PRTG: variants seen among roughly 807,000 people sequenced by gnomAD.
PRTG encodes the protein immunoglobulin superfamily, DCC subclass, member 5.
PRTG carries 67 observed loss-of-function variants against 122.5 expected under a neutral mutation model. That is an observed-to-expected ratio of 0.55 (90% confidence interval 0.45 to 0.67). PRTG has a LOEUF of 0.67. Ranked by LOEUF, PRTG falls within the 30% of genes least tolerant of loss-of-function variation. The pLI is 0.00. For missense variants in PRTG, 1,435 were observed against 1,415.4 expected (o/e 1.01, Z -0.22); for synonymous variants, 554 against 501.1 (o/e 1.11, Z -1.41).
Position 55,743,000 on chromosome 15 carries a change from G to A in PRTG, c.-69C>T, listed in dbSNP as rs1188362528. The A allele has an allele frequency of 2.2e-5, 30 of 1,386,230 alleles. No individual in the cohort carries two copies. Among genetic ancestry groups the A allele is most frequent in the Non-Finnish European group, 2.1e-5 (23 of 1,075,344 alleles). The allele number at this position is 1,386,230 out of a possible 1,614,324, so 85.9% of individuals were successfully genotyped here. The stretch of plus-strand genomic sequence containing the variant: ...CTGTCCGTCTGCGGCCCCCGCCCCG[G>A]GCGCTCTCTGCTCTGCGGCTGGTCG... On this transcript the variant is annotated 5_prime_UTR_variant, in exon 1 of 20. Transcript: ENST00000389286.
rs1346271531 is a variant in PRTG, at chr15:55,710,752, GAATAT to G, written c.398-26826_398-26822del. On this transcript the variant is annotated intron_variant, in intron 2 of 19. Transcript: ENST00000389286. ...ACTTGATTCCTGATCAACTTATATAGAATATAATTAAAATTATCAGTAAAAAATAC... is the reference window on the plus strand; with the variant it reads ...ACTTGATTCCTGATCAACTTATATAGAATTAAAATTATCAGTAAAAAATAC... Among the ~76,000 whole-genome samples, 14 of 151,882 alleles carry G rather than the reference GAATAT, an allele frequency of 9.2e-5. No individual in the cohort carries two copies. The South Asian group carries it at 2.5e-3, about 27-fold the overall frequency.
chr15:55,648,841 G>A (rs2059337937), intron 11 of PRTG, among the ~76,000 whole-genome samples: 1 of 152,190 alleles, frequency 6.6e-6, no homozygotes, highest in Non-Finnish European at 1.5e-5. Context: ...GCTCACACCT[G>A]TAATCCCAGC....
At chr15:55,731,871 G>C (rs1467581306) in intron 2 of PRTG, among the ~76,000 whole-genome samples, 2 of 152,134 alleles carry the variant, frequency 1.3e-5, no homozygotes, top group Non-Finnish European at 2.9e-5. Context: ...TAATGACAGA[G>C]ATACGTTCTG....
At chr15:55,672,420 A>G in intron 11 of PRTG, 25 bp downstream of exon 11, 5 of 1,572,624 alleles carry the variant, frequency 3.2e-6, no homozygotes, top group East Asian at 2.2e-5. Flanking sequence ...GGAAAAAGGG[A>G]AAAATACAGT....
chr15:55,621,982 A>T (rs1412961284), intron 18 of PRTG, among the ~76,000 whole-genome samples: 2 of 152,170 alleles, frequency 1.3e-5, no homozygotes, highest in Non-Finnish European at 2.9e-5. Flanking sequence ...CCCACATATG[A>T]TCAACAAAAT....
intron 11 of PRTG, among the ~76,000 whole-genome samples, chr15:55,658,511 C>CTTCA (rs1296972434): frequency 6.6e-6 from 1 of 151,858 alleles, no homozygotes; most frequent in Non-Finnish European, 1.5e-5. Flanking sequence ...AGAGATGGGG[C>CTTCA]TTCACTATGT....
At chr15:55,664,227 C>T (rs1039526629) in intron 11 of PRTG, among the ~76,000 whole-genome samples, 34 of 151,560 alleles carry the variant, frequency 2.2e-4, no homozygotes, top group African/African-American at 7.3e-4. Flanking sequence ...CTGCAACCTC[C>T]GCCCCCCAGG....
chr15:55,632,128 A>C (rs2059231043), intron 15 of PRTG, among the ~76,000 whole-genome samples: 1 of 152,102 alleles, frequency 6.6e-6, no homozygotes, highest in African/African-American at 2.4e-5. Context: ...CTCTCCCATA[A>C]ACTTAATCAG....
In PRTG at chr15:55,680,554, T is replaced by C. The variant is rs202071874; in HGVS notation, c.751A>G (p.Thr251Ala). The change falls in exon 5 of 20, where the codon ACT becomes GCT. Residue 251 changes from threonine to alanine, a missense_variant. Physicochemically the swap from Thr to Ala is moderately conservative, Grantham distance 58. Coordinates refer to ENST00000389286, the MANE Select transcript of PRTG (RefSeq NM_173814.6). ...PQNITTSLHQ[T>A]VVLECMATGN... Reference sequence around the variant, plus strand: ...GTGGCCATGCATTCCAAAACTACAGTCTGATGAAGAGATGTTGTTATGTTC... The same window carrying C: ...GTGGCCATGCATTCCAAAACTACAGCCTGATGAAGAGATGTTGTTATGTTC... The C allele has an allele frequency of 3.1e-6, 5 of 1,602,454 alleles. No individual in the cohort carries two copies. In the African/African-American group the frequency reaches 5.3e-5, roughly 17 times the overall value.
At chr15:55,645,599 A>G (rs1372331543) in intron 11 of PRTG, among the ~76,000 whole-genome samples, 1 of 151,926 alleles carries the variant, frequency 6.6e-6, no homozygotes, top group African/African-American at 2.4e-5. Context: ...TAGGACCAAT[A>G]TGTTAAATAC....
chr15:55,640,427 A>G (rs517596), intron 12 of PRTG, among the ~76,000 whole-genome samples: 3,616 of 152,274 alleles, frequency 0.024, 159 homozygotes, highest in African/African-American at 0.081. Context: ...TATATTACTG[A>G]TAACAGATTG....
At chr15:55,704,442 A>G (rs533052742) in intron 2 of PRTG, among the ~76,000 whole-genome samples, 1 of 152,326 alleles carries the variant, frequency 6.6e-6, no homozygotes, top group East Asian at 1.9e-4. Flanking sequence ...TTGCTTTACA[A>G]ATGGTTATTT....
intron 2 of PRTG, among the ~76,000 whole-genome samples, chr15:55,687,297 T>A (rs2059575809): frequency 6.6e-6 from 1 of 152,220 alleles, no homozygotes; most frequent in Admixed American, 6.5e-5. Flanking sequence ...GCATTTTTTT[T>A]AGAGACAAAA....
chr15:55,662,953 T>C (rs545656514), intron 11 of PRTG, among the ~76,000 whole-genome samples: 1 of 152,338 alleles, frequency 6.6e-6, no homozygotes, highest in African/African-American at 2.4e-5. Flanking sequence ...TAAGCTGCTA[T>C]AGACATCTCC....
At chr15:55,656,894 C>T (rs2059383196) in intron 11 of PRTG, among the ~76,000 whole-genome samples, 1 of 152,220 alleles carries the variant, frequency 6.6e-6, no homozygotes, top group African/African-American at 2.4e-5. Context: ...ATATTGATCA[C>T]TTGTTTGACA....
intron 14 of PRTG, among the ~76,000 whole-genome samples, chr15:55,637,773 T>C (rs2059266158): frequency 6.6e-6 from 1 of 152,134 alleles, no homozygotes; most frequent in Admixed American, 6.6e-5. Context: ...AACATTTAGT[T>C]ATTCCTGGAA....
rs2059210117 is a variant in PRTG at position 55,628,858 on chromosome 15, G to A, written c.2770C>T (p.Gln924Ter). Residue 924 changes from glutamine to a stop codon, truncating the protein, a stop_gained, in exon 16 of 20, where the codon CAG becomes TAG. Coordinates refer to ENST00000389286, the MANE Select transcript of PRTG (RefSeq NM_173814.6). LOFTEE classifies it high-confidence loss of function. Reference sequence around the variant, plus strand: ...GCAGAATCTAAACGCTTGGGCCTCTGATTTGATTCAGAGGTTTCCTTTGGA... The same window carrying A: ...GCAGAATCTAAACGCTTGGGCCTCTAATTTGATTCAGAGGTTTCCTTTGGA... ...VLPKETSESN[Q>*]RPKRLDSADA... 6.2e-7 allele frequency: 1 copy of A among 1,613,800 alleles called. No individual in the cohort carries two copies. The highest frequency in any genetic ancestry group is 1.3e-5 in the African/African-American group (1 of 74,902).
intron 11 of PRTG, among the ~76,000 whole-genome samples, chr15:55,654,921 CA>C (rs925306920): frequency 1.3e-5 from 2 of 152,116 alleles, no homozygotes; most frequent in Admixed American, 6.6e-5. Context: ...AGTTTCATTG[CA>C]AAAACATCTG....
intron 15 of PRTG, among the ~76,000 whole-genome samples, chr15:55,634,621 G>C (rs557858516): frequency 6.6e-6 from 1 of 151,988 alleles, no homozygotes; most frequent in Non-Finnish European, 1.5e-5. Context: ...TGGGCAGATT[G>C]CCTGAGCTCA....
Sources: gnomAD v4.1 joint callset for allele counts (sites outside exome capture counted in the v4.1 genomes callset) on GRCh38, gnomAD v4.1.1 for gene constraint, MANE v1.5 for transcripts, NCBI Gene and HGNC (gene_info 2026-07-23, HGNC 2026-07-21) for gene names.